PTPRB: variants seen among roughly 807,000 people sequenced by gnomAD.
The protein encoded by PTPRB is protein tyrosine phosphatase receptor type B, also known as receptor-type tyrosine-protein phosphatase beta.
Under a neutral mutation model 238.1 loss-of-function variants are expected in PTPRB, and 97 were observed. The ratio of observed to expected loss-of-function variants is 0.41; its 90% confidence interval spans 0.35 to 0.48. The LOEUF (loss-of-function observed/expected upper bound fraction) is 0.48. Ranked by LOEUF, PTPRB falls within the 20% of genes least tolerant of loss-of-function variation. PTPRB has a pLI of 0.30. For synonymous variants in PTPRB, 970 were observed against 995.4 expected, an observed-to-expected ratio of 0.97 and a Z score of 0.48; for missense variants, 2,292 against 2,681.9, an observed-to-expected ratio of 0.85 and a Z score of 3.21.
At chr12:70,636,609 T>C (rs1885707341) in intron 1 of PTPRB, among the ~76,000 whole-genome samples, 1 of 152,098 alleles carries the variant, frequency 6.6e-6, no homozygotes, top group South Asian at 2.1e-4. Flanking sequence ...TAAAACAAAT[T>C]TTCCCACTTC....
chr12:70,616,632 A>G (rs1050870673), intron 3 of PTPRB, among the ~76,000 whole-genome samples: 1 of 152,198 alleles, frequency 6.6e-6, no homozygotes, highest in Non-Finnish European at 1.5e-5. Context: ...TGTATAACCA[A>G]TGGTAAGCAC....
chr12:70,635,585 A>AAAC, intron 2 of PTPRB, 86 bp downstream of exon 2: 1 of 1,432,944 alleles, frequency 7.0e-7, no homozygotes, highest in East Asian at 2.3e-5. Context: ...CCTTAAATGT[A>AAAC]AAACAAACAA....
At chr12:70,587,521 A>T (rs1882040133) in intron 8 of PTPRB, among the ~76,000 whole-genome samples, 1 of 152,222 alleles carries the variant, frequency 6.6e-6, no homozygotes, top group African/African-American at 2.4e-5. Context: ...CTTTGAGTTT[A>T]TCTTTTTGTA....
chr12:70,543,675 G>A (rs1875521417), intron 22 of PTPRB, among the ~76,000 whole-genome samples: 1 of 152,178 alleles, frequency 6.6e-6, no homozygotes, highest in African/African-American at 2.4e-5. Flanking sequence ...GCAGAACACG[G>A]ATTACAGGAA....
chr12:70,562,874 A>G lies in PTPRB; in HGVS notation c.4138T>C (p.Ser1380Pro), dbSNP rs763464444. ...CTACCAAATATGAAAGACTCATTAG[A>G]CAGCTCCCCACTGTGAGTTACAATC... is the stretch of plus-strand genomic sequence containing the variant. ...MVIVTHSGEL[S>P]NESFIFGRTV... is the part of the protein sequence containing the mutation. The change falls in exon 16 of 34, where the codon TCT becomes CCT. Residue 1380 changes from serine (S) to proline (P), a missense_variant. By Grantham distance (74) the Ser-to-Pro change is moderately conservative. Transcript: ENST00000334414. 1.2e-6 allele frequency: 2 copies of G among 1,613,868 alleles called. No homozygotes were observed. The highest frequency in any genetic ancestry group is 2.7e-5 in the African/African-American group (2 of 74,930).
At chr12:70,595,960 G>T in intron 5 of PTPRB, 89 bp downstream of exon 5, 1 of 1,211,284 alleles carries the variant, frequency 8.3e-7, no homozygotes. Context: ...CTTTGCTCTG[G>T]AGTAGCAATC....
At chr12:70,574,393 A>G (rs1880457733) in intron 11 of PTPRB, among the ~76,000 whole-genome samples, 1 of 152,248 alleles carries the variant, frequency 6.6e-6, no homozygotes, top group Admixed American at 6.5e-5. Flanking sequence ...ACCTAAAACC[A>G]ATTACAGTGT....
intron 3 of PTPRB, among the ~76,000 whole-genome samples, chr12:70,615,358 T>A (rs558531041): frequency 0.029 from 4,430 of 152,184 alleles, 95 homozygotes; most frequent in Non-Finnish European, 0.042. Flanking sequence ...AAGATTTTTT[T>A]AAAATACTGC....
intron 4 of PTPRB, among the ~76,000 whole-genome samples, chr12:70,600,971 G>A (rs1287324308): frequency 6.6e-6 from 1 of 152,020 alleles, no homozygotes; most frequent in Non-Finnish European, 1.5e-5. Context: ...GGGTTCAAGC[G>A]ATTCTCCTGC....
chr12:70,627,804 G>A (rs1885272405), intron 2 of PTPRB, among the ~76,000 whole-genome samples: 1 of 152,134 alleles, frequency 6.6e-6, no homozygotes, highest in African/African-American at 2.4e-5. Context: ...ACCCTAAAAT[G>A]ACCGTGACAG....
chr12:70,524,845 ATATATGTGTG>A (rs1241012050), intron 32 of PTPRB, among the ~76,000 whole-genome samples: 7,341 of 146,214 alleles, frequency 0.05, 594 homozygotes, highest in African/African-American at 0.17. Context: ...ATATGTGTGT[ATATATGTGTG>A]TATATGTGTG....
chr12:70,522,848 TTTTG>T (rs1338774625), intron 33 of PTPRB, among the ~76,000 whole-genome samples: 2 of 146,976 alleles, frequency 1.4e-5, no homozygotes, highest in African/African-American at 2.6e-5. Context: ...AATAGCATTC[TTTTG>T]TTTGTTTTTT....
chr12:70,576,489 A>C lies in PTPRB; in HGVS notation c.2735T>G (p.Val912Gly). ...GAGGGAGCTGAAGGAACATTCTCTG[A>C]CAGACTTGGCAATGACAAGGGACTG... Reference protein sequence around the residue: ...VVQSLVIAKSVRECSFSSLTP... With the variant: ...VVQSLVIAKSGRECSFSSLTP... Residue 912 changes from valine to glycine, a missense_variant, in exon 11 of 34, where the codon GTC becomes GGC. Coordinates refer to ENST00000334414, the MANE Select transcript of PTPRB (RefSeq NM_001109754.4). The C allele has an allele frequency of 6.3e-7, 1 of 1,584,018 alleles. No individual in the cohort carries two copies. Among genetic ancestry groups the C allele is most frequent in the Admixed American group, 1.8e-5 (1 of 55,300 alleles).
At chr12:70,545,998 A>C (rs1316310898) in intron 21 of PTPRB, among the ~76,000 whole-genome samples, 1 of 152,088 alleles carries the variant, frequency 6.6e-6, no homozygotes, top group Non-Finnish European at 1.5e-5. Flanking sequence ...TTAGCCAGGC[A>C]TGGTGGCGGG....
chr12:70,602,204 C>A (rs1027471440), intron 4 of PTPRB, among the ~76,000 whole-genome samples: 3 of 152,126 alleles, frequency 2.0e-5, no homozygotes, highest in Non-Finnish European at 2.9e-5. Context: ...GGTTGCTGTG[C>A]ATTTAATGTA....
intron 9 of PTPRB, among the ~76,000 whole-genome samples, chr12:70,583,969 A>T (rs1881633126): frequency 6.6e-6 from 1 of 152,172 alleles, no homozygotes; most frequent in African/African-American, 2.4e-5. Flanking sequence ...ACTCCTGAAG[A>T]TTTCAGCTAT....
chr12:70,567,153 G>A (rs886220460), intron 14 of PTPRB, among the ~76,000 whole-genome samples: 11 of 152,118 alleles, frequency 7.2e-5, no homozygotes, highest in Admixed American at 3.3e-4. Context: ...ACTAGTATTT[G>A]TTCTATAGCT....
At chr12:70,627,733 C>T (rs1005435504) in intron 2 of PTPRB, among the ~76,000 whole-genome samples, 4 of 151,878 alleles carry the variant, frequency 2.6e-5, no homozygotes, top group African/African-American at 9.7e-5. Context: ...TATTTTCAGA[C>T]ATTATATTTA....
intron 7 of PTPRB, chr12:70,592,078 A>G: frequency 1.5e-6 from 1 of 646,670 alleles, no homozygotes; most frequent in Non-Finnish European, 2.6e-6. Flanking sequence ...TAAGACAGAA[A>G]CAACATGCAG....
Sources: gnomAD v4.1 joint callset for allele counts (sites outside exome capture counted in the v4.1 genomes callset) on GRCh38, gnomAD v4.1.1 for gene constraint, MANE v1.5 for transcripts, NCBI Gene and HGNC (gene_info 2026-07-23, HGNC 2026-07-21) for gene names.